Variants in STAG1 observed in about 807,000 individuals in gnomAD.
STAG1 encodes the protein STAG1 cohesin complex component, also known as cohesin subunit SA-1.
STAG1 carries 26 observed loss-of-function variants against 170.9 expected under a neutral mutation model. That is an observed-to-expected ratio of 0.15 (90% CI 0.11 to 0.21). The LOEUF is 0.21. Among genes scored for constraint, STAG1 ranks in the 10% least tolerant of loss-of-function variants. STAG1 has a pLI of 1.00. For synonymous variants in STAG1, 514 were observed against 497.7 expected, an observed-to-expected ratio of 1.03 and a Z score of -0.44; for missense variants, 964 against 1,509.5, an observed-to-expected ratio of 0.64 and a Z score of 5.99.
chr3:136,422,731 CTA>C (rs1559792101), intron 18 of STAG1, 35 bp downstream of exon 18: 1 of 1,540,774 alleles, frequency 6.5e-7, no homozygotes, highest in African/African-American at 1.4e-5. Context: ...GTTAATAAAA[CTA>C]TAACAGCTGA....
chr3:136,601,771 A>G (rs35611305), intron 4 of STAG1, among the ~76,000 whole-genome samples: 132 of 152,276 alleles, frequency 8.7e-4, no homozygotes, highest in Middle Eastern at 6.8e-3. Context: ...TGTGGGGCAG[A>G]AGTTGCAGTG....
chr3:136,376,009 T>TAACAA (rs1553796024), intron 23 of STAG1, among the ~76,000 whole-genome samples: 22 of 32,308 alleles, frequency 6.8e-4, no homozygotes, highest in Admixed American at 1.8e-3. Flanking sequence ...AATAAATAAA[T>TAACAA]AATTAACAAA....
intron 1 of STAG1, among the ~76,000 whole-genome samples, chr3:136,678,862 A>G (rs1025413960): frequency 2.6e-5 from 4 of 150,980 alleles, no homozygotes; most frequent in South Asian, 2.1e-4. Flanking sequence ...AAAAAAAAAA[A>G]AAAAGAAAAA....
chr3:136,412,526 T>C (rs953101039), intron 21 of STAG1, among the ~76,000 whole-genome samples: 4 of 152,192 alleles, frequency 2.6e-5, no homozygotes, highest in Non-Finnish European at 4.4e-5. Flanking sequence ...GACCTCACTT[T>C]AGTCAGTGAT....
At chr3:136,691,852 C>G (rs567424505) in intron 1 of STAG1, among the ~76,000 whole-genome samples, 1 of 152,278 alleles carries the variant, frequency 6.6e-6, no homozygotes, top group Non-Finnish European at 1.5e-5. Flanking sequence ...AAGGACAAGT[C>G]CCGGGGAAAA....
chr3:136,571,471 AG>A (rs1401803823), intron 4 of STAG1, among the ~76,000 whole-genome samples: 1 of 152,080 alleles, frequency 6.6e-6, no homozygotes, highest in Admixed American at 6.6e-5. Context: ...TGGGAGGCTG[AG>A]ATAAGAGGAT....
intron 1 of STAG1, among the ~76,000 whole-genome samples, chr3:136,708,991 T>C (rs1943308023): frequency 7.3e-6 from 1 of 137,518 alleles, no homozygotes; most frequent in Non-Finnish European, 1.6e-5. Context: ...TTTTTTTTTT[T>C]TTAAAGACAG....
intron 7 of STAG1, among the ~76,000 whole-genome samples, chr3:136,508,746 A>C (rs1306333598): frequency 6.6e-6 from 1 of 152,240 alleles, no homozygotes; most frequent in Non-Finnish European, 1.5e-5. Context: ...CAGATCTCAG[A>C]CTCAAGACTG....
intron 25 of STAG1, among the ~76,000 whole-genome samples, chr3:136,363,700 A>G (rs1936965629): frequency 1.3e-5 from 2 of 152,344 alleles, no homozygotes; most frequent in South Asian, 2.1e-4. Context: ...TTATGAACTA[A>G]TACTAGTAAA....
At chr3:136,361,550 C>T (rs1936862928) in intron 26 of STAG1, among the ~76,000 whole-genome samples, 1 of 152,132 alleles carries the variant, frequency 6.6e-6, no homozygotes, top group African/African-American at 2.4e-5. Context: ...CTTTGTCAAT[C>T]ATTTTCATTC....
chr3:136,413,053 A>G (rs1401580685), intron 21 of STAG1, among the ~76,000 whole-genome samples: 1 of 151,276 alleles, frequency 6.6e-6, no homozygotes, highest in Non-Finnish European at 1.5e-5. Context: ...TAGTACAGAC[A>G]GGGTTTTGCC....
At chr3:136,631,161 C>T (rs570711687) in intron 1 of STAG1, among the ~76,000 whole-genome samples, 180 bp from the exon 2 acceptor site, 2 of 152,248 alleles carry the variant, frequency 1.3e-5, no homozygotes, top group East Asian at 3.9e-4. Flanking sequence ...AACTTGGAAG[C>T]AACTAAGATG....
chr3:136,337,871 TAA>T lies in STAG1; in HGVS notation c.*381_*382del, dbSNP rs1935758026. ...GTTTTTAAATTGTACAACAGGAAAATAAAGTTAAAAATATGTTTTTTTTTACT... is the reference window on the plus strand; with the variant it reads ...GTTTTTAAATTGTACAACAGGAAAATAGTTAAAAATATGTTTTTTTTTACT... On this transcript the variant is annotated 3_prime_UTR_variant, in exon 34 of 34. Transcript: ENST00000383202. 1 of 166,512 alleles carries T rather than the reference TAA, an allele frequency of 6.0e-6. No homozygotes were observed. The allele number at this position is 166,512 out of a possible 1,614,324, so 10.3% of individuals were successfully genotyped here. A position where few individuals can be genotyped will look rare whatever the true frequency, so the allele number is the denominator to read the frequency against.
At position 136,508,752 on chromosome 3, in the gene STAG1, G is replaced by C. The variant is rs371282207; in HGVS notation, c.677-5973C>G. ...CCTGCTCCACAGATCTCAGACTCAA[G>C]ACTGCACGACTCCTGTCTGATTTCC... On this transcript the variant is annotated intron_variant, in intron 7 of 33. Transcript: ENST00000383202. Among the ~76,000 whole-genome samples, 46 of 152,360 alleles carry C rather than the reference G, an allele frequency of 3.0e-4. No homozygotes were observed. The South Asian group carries it at 8.9e-3, about 29-fold the overall frequency.
chr3:136,534,637 T>C (rs1559865244), intron 6 of STAG1, among the ~76,000 whole-genome samples: 1 of 152,030 alleles, frequency 6.6e-6, no homozygotes, highest in African/African-American at 2.4e-5. Context: ...CCAACAGGTA[T>C]ATGAAAAAGT....
chr3:136,702,967 C>G (rs2107910160), intron 1 of STAG1, among the ~76,000 whole-genome samples: 1 of 150,078 alleles, frequency 6.7e-6, no homozygotes, highest in South Asian at 2.1e-4. Context: ...ACTCAGGAGG[C>G]TGAGGCAGGA....
chr3:136,556,934 T>C (rs1161963541), intron 5 of STAG1, among the ~76,000 whole-genome samples: 1 of 152,158 alleles, frequency 6.6e-6, no homozygotes, highest in Non-Finnish European at 1.5e-5. Context: ...AGTAAGTTTC[T>C]AGTCAAGAAA....
chr3:136,678,034 T>C (rs1206684413), intron 1 of STAG1, among the ~76,000 whole-genome samples: 1 of 149,574 alleles, frequency 6.7e-6, no homozygotes, highest in Non-Finnish European at 1.5e-5. Flanking sequence ...AAGTTGGCAC[T>C]AGTATGAAGA....
At chr3:136,665,576 G>A (rs1215887223) in intron 1 of STAG1, among the ~76,000 whole-genome samples, 2 of 151,596 alleles carry the variant, frequency 1.3e-5, no homozygotes, top group African/African-American at 4.9e-5. Flanking sequence ...TCAGGAGATC[G>A]AGACCACCCT....
Sources: gnomAD v4.1 joint callset for allele counts (sites outside exome capture counted in the v4.1 genomes callset) on GRCh38, gnomAD v4.1.1 for gene constraint, MANE v1.5 for transcripts, NCBI Gene and HGNC (gene_info 2026-07-23, HGNC 2026-07-21) for gene names.